The following PREX2 variants were observed in gnomAD, a reference collection of about 807,000 sequenced individuals.
The protein encoded by PREX2 is phosphatidylinositol-3,4,5-trisphosphate dependent Rac exchange factor 2.
PREX2 carries 107 observed loss-of-function variants against 203.2 expected under a neutral mutation model. The ratio of observed to expected loss-of-function variants is 0.53; its 90% CI spans 0.45 to 0.62. The LOEUF is 0.62. Ranked by LOEUF, PREX2 falls within the 20% of genes least tolerant of loss-of-function variation. PREX2 has a pLI of 0.00. For synonymous variants in PREX2, 672 were observed against 663.6 expected (o/e 1.01, Z -0.19); for missense variants, 1,777 against 1,955.9 (o/e 0.91, Z 1.72).
intron 32 of PREX2, among the ~76,000 whole-genome samples, chr8:68,138,009 T>C (rs1362247158): frequency 1.3e-5 from 2 of 152,260 alleles, no homozygotes; most frequent in African/African-American, 4.8e-5. Context: ...ATAGCTATTA[T>C]GTAGTTTGTC....
chr8:68,179,982 C>G (rs1474338394), intron 35 of PREX2, among the ~76,000 whole-genome samples: 1 of 152,130 alleles, frequency 6.6e-6, no homozygotes, highest in Non-Finnish European at 1.5e-5. Flanking sequence ...AAGATTGTCT[C>G]TATTTCTCCT....
intron 38 of PREX2, among the ~76,000 whole-genome samples, chr8:68,221,694 A>G (rs1812956678): frequency 6.6e-6 from 1 of 152,210 alleles, no homozygotes; most frequent in Non-Finnish European, 1.5e-5. Flanking sequence ...TTTATGAACA[A>G]TATAGATGAA....
At chr8:67,987,598 G>A (rs556273119) in intron 1 of PREX2, among the ~76,000 whole-genome samples, 1 of 152,056 alleles carries the variant, frequency 6.6e-6, no homozygotes, top group East Asian at 1.9e-4. Flanking sequence ...TCCCCATCAC[G>A]TGCGCTGGAC....
At chr8:68,077,511 CA>C in intron 15 of PREX2, 42 bp downstream of exon 15, 1 of 1,412,452 alleles carries the variant, frequency 7.1e-7, no homozygotes, top group East Asian at 2.3e-5. Context: ...TGTATTTCAT[CA>C]CGTTGGTTCT....
At chr8:67,956,790 T>C (rs1276686707) in intron 1 of PREX2, among the ~76,000 whole-genome samples, 1 of 152,236 alleles carries the variant, frequency 6.6e-6, no homozygotes, top group African/African-American at 2.4e-5. Flanking sequence ...CTAGTCCACA[T>C]TGTGGGCATA....
At chr8:68,140,557 G>A (rs1240453758) in intron 33 of PREX2, among the ~76,000 whole-genome samples, 1 of 152,164 alleles carries the variant, frequency 6.6e-6, no homozygotes, top group African/African-American at 2.4e-5. Context: ...GTATCACTGG[G>A]ATGGAGACTA....
intron 1 of PREX2, among the ~76,000 whole-genome samples, chr8:67,995,854 G>A (rs2129609596): frequency 6.6e-6 from 1 of 152,210 alleles, no homozygotes; most frequent in East Asian, 1.9e-4. Context: ...CCAAGGTTTG[G>A]GATAGTTGGG....
At chr8:68,055,298 T>A (rs1289540526) in intron 9 of PREX2, among the ~76,000 whole-genome samples, 4 of 152,204 alleles carry the variant, frequency 2.6e-5, no homozygotes, top group African/African-American at 9.6e-5. Flanking sequence ...TTAAAACCCA[T>A]GGCTCCGGGC....
chr8:68,188,639 G>A (rs1031708713), intron 35 of PREX2, among the ~76,000 whole-genome samples: 1 of 152,206 alleles, frequency 6.6e-6, no homozygotes, highest in African/African-American at 2.4e-5. Context: ...CAAATGAGGA[G>A]CAAGGTCACA....
intron 5 of PREX2, among the ~76,000 whole-genome samples, chr8:68,030,033 G>A (rs1585719801): frequency 6.6e-6 from 1 of 151,714 alleles, no homozygotes; most frequent in East Asian, 1.9e-4. Flanking sequence ...ATTTTACTTT[G>A]TTTATGACAT....
intron 31 of PREX2, among the ~76,000 whole-genome samples, chr8:68,133,026 A>T (rs538394450): frequency 2.6e-5 from 4 of 152,186 alleles, no homozygotes; most frequent in Non-Finnish European, 5.9e-5. Context: ...TGGGTACTTT[A>T]TAAAGGAAAG....
chr8:68,044,595 G>A lies in PREX2; in HGVS notation c.943+5G>A. 2 of 1,598,436 alleles carry A rather than the reference G, an allele frequency of 1.3e-6. No homozygotes were observed. Among genetic ancestry groups the A allele is most frequent in the Non-Finnish European group, 1.7e-6 (2 of 1,166,662 alleles). On this transcript the variant is annotated splice_donor_5th_base_variant and intron_variant, in intron 8 of 39. Transcript: ENST00000288368. Reference sequence around the variant, plus strand: ...AGAATGTGGATGATGGCACCGGTAAGTGATTTGTAGATTTTAAATGGGATG... The same window carrying A: ...AGAATGTGGATGATGGCACCGGTAAATGATTTGTAGATTTTAAATGGGATG...
In PREX2 at chr8:68,220,577, C is replaced by T. The variant is rs1009991946; in HGVS notation, c.4707+2859C>T. ...GCTCCTTGCCTTATCTCATGGTGGA[C>T]ACATCCAAAGGAAAATCACCATGCC... is the stretch of plus-strand genomic sequence containing the variant. On this transcript the variant is annotated intron_variant, in intron 38 of 39. Transcript: ENST00000288368. Among the ~76,000 whole-genome samples, 4 of 152,046 alleles carry T rather than the reference C, an allele frequency of 2.6e-5. No individual in the cohort carries two copies. The East Asian group carries it at 7.8e-4, about 29-fold the overall frequency.
At chr8:67,980,429 CA>C (rs1806234356) in intron 1 of PREX2, among the ~76,000 whole-genome samples, 2 of 151,768 alleles carry the variant, frequency 1.3e-5, no homozygotes, top group Admixed American at 6.6e-5. Flanking sequence ...CAAAAATAAA[CA>C]AAAAGGATAT....
intron 11 of PREX2, 47 bp downstream of exon 11, chr8:68,060,826 T>C (rs1384228579): frequency 2.5e-6 from 3 of 1,216,742 alleles, no homozygotes; most frequent in Admixed American, 1.9e-5. Context: ...TTATTGGCCA[T>C]ATGTATCTTA....
chr8:68,074,956 A>G (rs1268717781), intron 14 of PREX2, among the ~76,000 whole-genome samples: 4 of 152,198 alleles, frequency 2.6e-5, no homozygotes, highest in Non-Finnish European at 4.4e-5. Flanking sequence ...TGCTGCTTCT[A>G]TTATAGTATA....
At position 68,053,189 on chromosome 8, in the gene PREX2, C is replaced by A; in HGVS notation, c.1036C>A (p.Pro346Thr). The A allele has an allele frequency of 3.1e-6, 5 of 1,613,438 alleles. No individual in the cohort carries two copies. Among genetic ancestry groups the A allele is most frequent in the Non-Finnish European group, 4.2e-6 (5 of 1,179,676 alleles). Residue 346 changes from proline (P) to threonine (T), a missense_variant, in exon 9 of 40, where the codon CCT (proline) becomes ACT (threonine). By Grantham distance (38) the Pro-to-Thr change is conservative. Transcript: ENST00000288368. ...NKWFVCMAKT[P>T]EEKHEWFEAI... ...ATGGTTTGTTTGTATGGCAAAAACA[C>A]CTGAAGAGAAGCATGAATGGTTTGA...
At chr8:68,040,646 A>G (rs1352535269) in intron 7 of PREX2, among the ~76,000 whole-genome samples, 1 of 152,100 alleles carries the variant, frequency 6.6e-6, no homozygotes, top group Non-Finnish European at 1.5e-5. Flanking sequence ...GTGGCCTCCC[A>G]GTCACTATCA....
At chr8:68,039,138 TAGC>T (rs1390016585) in intron 7 of PREX2, among the ~76,000 whole-genome samples, 1 of 152,206 alleles carries the variant, frequency 6.6e-6, no homozygotes, top group Non-Finnish European at 1.5e-5. Flanking sequence ...TCACCCTTCA[TAGC>T]AGACTTTCTT....
Sources: gnomAD v4.1 joint callset for allele counts (sites outside exome capture counted in the v4.1 genomes callset) on GRCh38, gnomAD v4.1.1 for gene constraint, MANE v1.5 for transcripts, NCBI Gene and HGNC (gene_info 2026-07-23, HGNC 2026-07-21) for gene names.